The following UBR2 variants were observed in gnomAD, a reference collection of about 807,000 sequenced individuals.
The protein encoded by UBR2 is E3 ubiquitin-protein ligase UBR2.
UBR2 carries 92 observed loss-of-function variants against 247.9 expected under a neutral mutation model. The ratio of observed to expected loss-of-function variants is 0.37; its 90% CI spans 0.31 to 0.44. The LOEUF is 0.44. Ranked by LOEUF, UBR2 falls within the 20% of genes least tolerant of loss-of-function variation. UBR2 has a pLI of 1.00. For synonymous variants in UBR2, 672 were observed against 693.5 expected (o/e 0.97, Z 0.49); for missense variants, 1,613 against 2,112.6 (o/e 0.76, Z 4.64).
At chr6:42,631,528 A>G (rs1261004061) in intron 11 of UBR2, among the ~76,000 whole-genome samples, 1 of 152,160 alleles carries the variant, frequency 6.6e-6, no homozygotes, top group Non-Finnish European at 1.5e-5. Context: ...AAATTACTCT[A>G]TAAATATTCC....
In UBR2 at chr6:42,671,800, C is replaced by T. The variant is rs752359396; in HGVS notation, c.4086+1085C>T. ...TTTTAAACCTCCAGAGTTCTGCCAT[C>T]TAATACTCTTCCCTGGTCAGCCCCA... On this transcript the variant is annotated intron_variant, in intron 36 of 46. Coordinates refer to ENST00000372901, the MANE Select transcript of UBR2 (RefSeq NM_001363705.2). Among the ~76,000 whole-genome samples, 7 of 152,280 alleles carry T rather than the reference C, an allele frequency of 4.6e-5. No homozygotes were observed. The South Asian group carries it at 1.5e-3, about 32-fold the overall frequency.
At chr6:42,619,486 C>T (rs531555787) in intron 11 of UBR2, 143 of 164,104 alleles carry the variant, frequency 8.7e-4, no homozygotes, top group African/African-American at 4.4e-3. Flanking sequence ...CTCTGCTGGG[C>T]GCAGTGGCTC....
At chr6:42,676,723 A>G in intron 39 of UBR2, 60 bp from the exon 40 acceptor site, 1 of 1,288,148 alleles carries the variant, frequency 7.8e-7, no homozygotes, top group Non-Finnish European at 1.1e-6. Context: ...TAATGTCTTC[A>G]GTCCTTTTGA....
Position 42,688,237 on chromosome 6 carries a change from T to G in UBR2, c.4875T>G (p.Asp1625Glu). The change falls in exon 45 of 47, where the codon GAT becomes GAG. Residue 1625 changes from aspartate to glutamate, a missense_variant. Asp to Glu is a conservative substitution (Grantham distance 45, BLOSUM62 2). Around this residue, in one of 3 missense-constraint regions of UBR2, gnomAD observed 1,524 missense variants for 1,967.3 expected, o/e 0.77. Transcript: ENST00000372901. ...SNFSCPKSGGDKSRAPTLCLV... is the reference protein window; with the variant it reads ...SNFSCPKSGGEKSRAPTLCLV... ...GGAGGTGCCCGAAATCAGGTGGTGATAAGAGCAGAGCCCCAACTCTGTGCC... is the reference window on the plus strand; with the variant it reads ...GGAGGTGCCCGAAATCAGGTGGTGAGAAGAGCAGAGCCCCAACTCTGTGCC... The G allele has an allele frequency of 1.9e-6, 3 of 1,614,170 alleles. No individual in the cohort carries two copies. The highest frequency in any genetic ancestry group is 2.5e-6 in the Non-Finnish European group (3 of 1,180,018).
intron 1 of UBR2, among the ~76,000 whole-genome samples, chr6:42,572,499 A>T (rs1235429863): frequency 4.7e-5 from 7 of 149,720 alleles, no homozygotes; most frequent in Non-Finnish European, 1.0e-4. Context: ...GGAATTAGGT[A>T]GTAATCCATA....
intron 30 of UBR2, among the ~76,000 whole-genome samples, chr6:42,661,808 C>T (rs544475152): frequency 1.4e-4 from 22 of 152,288 alleles, no homozygotes; most frequent in African/African-American, 4.6e-4. Context: ...CTGCCCTGAA[C>T]GCACATAAGG....
chr6:42,582,282 C>CAAAAAAA (rs397887989), intron 2 of UBR2, among the ~76,000 whole-genome samples: 6 of 85,890 alleles, frequency 7.0e-5, no homozygotes, highest in African/African-American at 1.8e-4. Context: ...GACTCCGTCT[C>CAAAAAAA]AAAAAAAAAA....
At position 42,663,363 on chromosome 6, in the gene UBR2, A is replaced by G; in HGVS notation, c.3642A>G (p.Glu1214=). The G allele has an allele frequency of 6.2e-7, 1 of 1,613,784 alleles. No homozygotes were observed. ...ENGEFLCPLC[E]CLSNTVIPLL... is the part of the protein sequence containing the mutation. ...GAGAATTCCTTTGCCCCCTTTGTGA[A>G]TGCTTGAGTAATACTGTTATTCCTC... The change falls in exon 32 of 47, where the codon GAA becomes GAG. Residue 1214 remains glutamate, a synonymous_variant. Transcript: ENST00000372901.
intron 11 of UBR2, among the ~76,000 whole-genome samples, chr6:42,629,856 T>G (rs915372836): frequency 1.3e-5 from 2 of 152,162 alleles, no homozygotes; most frequent in Non-Finnish European, 2.9e-5. Context: ...AATATGTGCT[T>G]CTTTTGTTAT....
chr6:42,573,786 AC>A lies in UBR2; in HGVS notation c.132del (p.Tyr45MetfsTer61). On this transcript the variant is annotated frameshift_variant, in exon 2 of 47. Transcript: ENST00000372901. LOFTEE classifies it high-confidence loss of function. ...AGAGAAGTGTACCAGCATTTAGCCC[AC>A]TATGTACCCAAAATCTACTGCAGGG... ...LTREVYQHLA[H>X]YVPKIYCRGP... The A allele has an allele frequency of 6.2e-7, 1 of 1,611,766 alleles. No individual in the cohort carries two copies. Among genetic ancestry groups the A allele is most frequent in the Non-Finnish European group, 8.5e-7 (1 of 1,178,774 alleles).
At chr6:42,596,718 A>C (rs958808548) in intron 4 of UBR2, among the ~76,000 whole-genome samples, 23 of 152,242 alleles carry the variant, frequency 1.5e-4, no homozygotes, top group African/African-American at 5.3e-4. Flanking sequence ...TAAGTGAAAG[A>C]CGCTAGACTC....
chr6:42,670,335 G>A, intron 35 of UBR2, 95 bp downstream of exon 35: 1 of 1,443,878 alleles, frequency 6.9e-7, no homozygotes, highest in Non-Finnish European at 9.4e-7. Context: ...GTTTGAAGTG[G>A]GTAACAACGT....
intron 7 of UBR2, among the ~76,000 whole-genome samples, chr6:42,609,497 A>G (rs766587914): frequency 6.6e-6 from 1 of 152,222 alleles, no homozygotes; most frequent in Non-Finnish European, 1.5e-5. Context: ...GACCATATAC[A>G]AAAACTTACT....
rs987266248 is a variant in UBR2, at chr6:42,689,147, A to G, written c.5025-422A>G. ...GTCACTGGAGTGTTGTGCACAGGTGAGAGAATCCAGGGGCCTGCTGTGTGC... is the reference window on the plus strand; with the variant it reads ...GTCACTGGAGTGTTGTGCACAGGTGGGAGAATCCAGGGGCCTGCTGTGTGC... On this transcript the variant is annotated intron_variant, in intron 45 of 46. Coordinates refer to ENST00000372901, the MANE Select transcript of UBR2 (RefSeq NM_001363705.2). The surrounding 1 kb of genome is among the most constrained non-coding windows in gnomAD (Gnocchi z 4.0). Among the ~76,000 whole-genome samples, 3 of 152,144 alleles carry G rather than the reference A, an allele frequency of 2.0e-5. No individual in the cohort carries two copies. Among genetic ancestry groups the G allele is most frequent in the African/African-American group, 7.2e-5 (3 of 41,426 alleles).
At chr6:42,683,326 A>G (rs1396083976) in intron 43 of UBR2, among the ~76,000 whole-genome samples, 3 of 152,332 alleles carry the variant, frequency 2.0e-5, no homozygotes, top group African/African-American at 7.2e-5. Context: ...AGAGAAAGCA[A>G]ATAACAAAGT....
At position 42,564,035 on chromosome 6, in the gene UBR2, G is replaced by A; in HGVS notation, c.-285G>A. The A allele has an allele frequency of 2.1e-6, 1 of 475,876 alleles. No homozygotes were observed. Among genetic ancestry groups the A allele is most frequent in the Non-Finnish European group, 3.7e-6 (1 of 269,904 alleles). 29.5% of individuals were successfully genotyped at this position (475,876 alleles called of 1,614,324 possible). On this transcript the variant is annotated 5_prime_UTR_variant, in exon 1 of 47. Coordinates refer to ENST00000372901, the MANE Select transcript of UBR2 (RefSeq NM_001363705.2). Reference sequence around the variant, plus strand: ...TTTCCTGGTGCAGGACGCGGTAGTGGCCAGCGAGAGTGTCAGGCCTGGGGT... The same window carrying A: ...TTTCCTGGTGCAGGACGCGGTAGTGACCAGCGAGAGTGTCAGGCCTGGGGT...
chr6:42,574,594 G>C (rs1582424937), intron 2 of UBR2, among the ~76,000 whole-genome samples: 1 of 152,032 alleles, frequency 6.6e-6, no homozygotes, highest in African/African-American at 2.4e-5. Flanking sequence ...GTATACAAGG[G>C]TAGAAGATGG....
At chr6:42,605,886 AAATT>A in intron 6 of UBR2, 27 bp downstream of exon 6, 1 of 1,586,798 alleles carries the variant, frequency 6.3e-7, no homozygotes, top group Non-Finnish European at 8.6e-7. Flanking sequence ...TGTTGATAAT[AAATT>A]GAATTTTTAC....
chr6:42,620,473 TAA>T (rs1275310950), intron 11 of UBR2: 4 of 136,206 alleles, frequency 2.9e-5, no homozygotes, highest in Admixed American at 8.4e-5. Flanking sequence ...TCCTGAATAT[TAA>T]GTGTTGTTTT....
Sources: gnomAD v4.1 joint callset for allele counts (sites outside exome capture counted in the v4.1 genomes callset) on GRCh38, gnomAD v4.1.1 for gene constraint, gnomAD v4.1.1 regional missense constraint, Gnocchi (gnomAD v3.1) non-coding constraint, MANE v1.5 for transcripts, NCBI Gene and HGNC (gene_info 2026-07-23, HGNC 2026-07-21) for gene names.